The following AK8 variants were observed in gnomAD, a reference collection of about 807,000 sequenced individuals.
AK8 encodes adenylate kinase 8.
In AK8, 44 loss-of-function variants were observed where a neutral mutation model predicts 54.6. That is an observed-to-expected ratio of 0.81 (90% CI 0.63 to 1.04). The LOEUF is 1.04. Among genes scored for constraint, AK8 ranks in the 50% least tolerant of loss-of-function variants. The pLI, the probability that AK8 is intolerant of heterozygous loss-of-function variation, is 0.00. For missense variants in AK8, 555 were observed against 613.6 expected, an observed-to-expected ratio of 0.90 and a Z score of 1.01; for synonymous variants, 239 against 245.6, an observed-to-expected ratio of 0.97 and a Z score of 0.25.
At position 132,726,645 on chromosome 9, in the gene AK8, A is replaced by G. The variant is rs1033442875; in HGVS notation, c.1203-720T>C. On this transcript the variant is annotated intron_variant, in intron 12 of 12. Transcript: ENST00000298545. ...TGTTAAATCTGCCACTGACAGTGCC[A>G]TGGTAAGCAGGACAGGCGCTGGCTC... Among the ~76,000 whole-genome samples the G allele has an allele frequency of 8.5e-5, 13 of 152,172 alleles. 1 individual carries two copies. The highest frequency in any genetic ancestry group is 7.4e-5 in the Non-Finnish European group (5 of 68,026).
chr9:132,820,178 AGG>A (rs1301295967), intron 9 of AK8, among the ~76,000 whole-genome samples: 2 of 149,954 alleles, frequency 1.3e-5, no homozygotes, highest in African/African-American at 4.9e-5. Flanking sequence ...AAGGGAAGGA[AGG>A]AAGGAAGGAA....
In AK8 at chr9:132,725,855, C is replaced by A; in HGVS notation, c.1273G>T (p.Ala425Ser). ...ATTTTCAGCTTGACCTGCTCTTCAG[C>A]ATCCTTTGGGTTCTGCAGGAGGCGA... ...QARLLQNPKD[A>S]EEQVKLKMDL... The change falls in exon 13 of 13, where the codon GCT becomes TCT. Residue 425 changes from alanine to serine, a missense_variant. By Grantham distance (99) the Ala-to-Ser change is moderately conservative. Coordinates refer to ENST00000298545, the MANE Select transcript of AK8 (RefSeq NM_152572.3). 6.2e-7 allele frequency: 1 copy of A among 1,610,364 alleles called. No homozygotes were observed. Among genetic ancestry groups the A allele is most frequent in the Non-Finnish European group, 8.5e-7 (1 of 1,178,896 alleles).
At chr9:132,738,057 CT>C (rs34835031) in intron 11 of AK8, among the ~76,000 whole-genome samples, 116,723 of 144,318 alleles carry the variant, frequency 0.81, 47,044 homozygotes, top group Admixed American at 0.87. Flanking sequence ...TGCTGAATTA[CT>C]TTTTTTTTTT....
rs1840565529 is a variant in AK8, at chr9:132,803,530, G to A, written c.980-10755C>T. 6.6e-6 allele frequency among the ~76,000 whole-genome samples: 1 copy of A among 152,198 alleles called. No individual in the cohort carries two copies. Among genetic ancestry groups the A allele is most frequent in the African/African-American group, 2.4e-5 (1 of 41,454 alleles). ...TGATTACAACCAGTGACCATAGTAA[G>A]TAATTAGTGAATTACAGACACAATT... On this transcript the variant is annotated intron_variant, in intron 10 of 12. Transcript: ENST00000298545. The surrounding 1 kb of genome is among the most constrained non-coding windows in gnomAD (Gnocchi z 4.4).
intron 11 of AK8, among the ~76,000 whole-genome samples, chr9:132,751,898 T>C (rs1837943942): frequency 6.6e-6 from 1 of 151,806 alleles, no homozygotes; most frequent in African/African-American, 2.4e-5. Flanking sequence ...TGGAGTGCAG[T>C]GGCGCGATCT....
chr9:132,778,084 G>T (rs1055279615), intron 11 of AK8, among the ~76,000 whole-genome samples: 1 of 152,206 alleles, frequency 6.6e-6, no homozygotes, highest in Admixed American at 6.5e-5. Flanking sequence ...GGGGGCTTCC[G>T]TTAGGATGGG....
chr9:132,869,741 G>A (rs1378607678), intron 2 of AK8, among the ~76,000 whole-genome samples: 1 of 152,240 alleles, frequency 6.6e-6, no homozygotes, highest in African/African-American at 2.4e-5. Flanking sequence ...GTGGCATTGA[G>A]GACACATGGT....
chr9:132,814,716 G>T lies in AK8; in HGVS notation c.901C>A (p.Gln301Lys). ...KYRLVNVCCG[Q>K]LLKEAVADRT... is the part of the protein sequence containing the mutation. ...TCTGCCACAGCCTCTTTCAGCAGTT[G>T]CCCACAGCAGACTGAAGGAGAGGGG... Residue 301 changes from glutamine to lysine, a missense_variant, in exon 10 of 13, where the codon CAA becomes AAA. Gln to Lys is a moderately conservative substitution (Grantham distance 53, BLOSUM62 1). Transcript: ENST00000298545. 6.2e-7 allele frequency: 1 copy of T among 1,613,822 alleles called. No individual in the cohort carries two copies. The highest frequency in any genetic ancestry group is 8.5e-7 in the Non-Finnish European group (1 of 1,179,948).
rs1304242229 is a variant in AK8 at position 132,814,672 on chromosome 9, C to T, written c.945G>A (p.Glu315=). ...CCTTTTCAAAGAAGGGCTGGATGAG[C>T]TCGCCAAACGTGGTCCTATCTGCCA... ...EAVADRTTFG[E]LIQPFFEKEM... is the part of the protein sequence containing the mutation. Residue 315 remains glutamate (E), a synonymous_variant, in exon 10 of 13, where the codon GAG becomes GAA. Coordinates refer to ENST00000298545, the MANE Select transcript of AK8 (RefSeq NM_152572.3). 7 of 1,614,066 alleles carry T rather than the reference C, an allele frequency of 4.3e-6. No homozygotes were observed. The highest frequency in any genetic ancestry group is 1.7e-4 in the Middle Eastern group (1 of 6,052).
At chr9:132,843,807 A>G (rs938852682) in intron 5 of AK8, among the ~76,000 whole-genome samples, 5 of 152,188 alleles carry the variant, frequency 3.3e-5, no homozygotes, top group African/African-American at 1.2e-4. Flanking sequence ...AAGGAACAGG[A>G]GTGAGGGGGG....
intron 11 of AK8, among the ~76,000 whole-genome samples, chr9:132,734,126 G>C (rs1186887493): frequency 6.6e-6 from 1 of 152,204 alleles, no homozygotes; most frequent in Non-Finnish European, 1.5e-5. Flanking sequence ...GGGCCACTCT[G>C]ACCCGTGCTT....
intron 5 of AK8, among the ~76,000 whole-genome samples, chr9:132,851,969 G>A (rs564469984): frequency 2.7e-4 from 41 of 152,248 alleles, no homozygotes; most frequent in African/African-American, 8.9e-4. Flanking sequence ...TGGAATTAGC[G>A]GATGAAAACT....
intron 5 of AK8, among the ~76,000 whole-genome samples, chr9:132,850,144 C>A (rs1386226806): frequency 3.4e-5 from 5 of 147,358 alleles, no homozygotes; most frequent in Non-Finnish European, 5.9e-5. Flanking sequence ...ACTTCCACCT[C>A]CTGGGTTCAA....
At chr9:132,767,801 A>G (rs907426233) in intron 11 of AK8, among the ~76,000 whole-genome samples, 5 of 152,250 alleles carry the variant, frequency 3.3e-5, no homozygotes, top group African/African-American at 9.6e-5. Context: ...TCTGTCATTT[A>G]CAGTAACACA....
chr9:132,742,554 T>C (rs550282645), intron 11 of AK8, among the ~76,000 whole-genome samples: 4 of 152,268 alleles, frequency 2.6e-5, no homozygotes, highest in Non-Finnish European at 4.4e-5. Context: ...ATGACAGGGG[T>C]ACCAGCACCT....
At chr9:132,761,670 T>C (rs2064541330) in intron 11 of AK8, among the ~76,000 whole-genome samples, 1 of 152,200 alleles carries the variant, frequency 6.6e-6, no homozygotes, top group Admixed American at 6.5e-5. Context: ...ATATTTTTCC[T>C]ATCCTTGTAA....
At chr9:132,848,163 A>G (rs1319124821) in intron 5 of AK8, among the ~76,000 whole-genome samples, 1 of 151,580 alleles carries the variant, frequency 6.6e-6, no homozygotes, top group African/African-American at 2.4e-5. Flanking sequence ...GAAGAAAGGA[A>G]GACTCCCTTG....
At chr9:132,853,395 A>G (rs2131379749) in intron 5 of AK8, among the ~76,000 whole-genome samples, 1 of 151,934 alleles carries the variant, frequency 6.6e-6, no homozygotes, top group South Asian at 2.1e-4. Flanking sequence ...AAAAAAGAAA[A>G]CTAAAAACAA....
Position 132,752,299 on chromosome 9 carries a change from G to A in AK8, c.1122-24765C>T, listed in dbSNP as rs1590196340. Among the ~76,000 whole-genome samples, 4 of 149,984 alleles carry A rather than the reference G, an allele frequency of 2.7e-5. No individual in the cohort carries two copies. In the East Asian group the frequency reaches 7.9e-4, roughly 29 times the overall value. On this transcript the variant is annotated intron_variant, in intron 11 of 12. Transcript: ENST00000298545. ...CGGAGTCTCGCTGTCGCCCAGGCTG[G>A]AGTGCAGTGGCGTGATCTCTGCTCA... is the stretch of plus-strand genomic sequence containing the variant.
Sources: gnomAD v4.1 joint callset for allele counts (sites outside exome capture counted in the v4.1 genomes callset) on GRCh38, gnomAD v4.1.1 for gene constraint, Gnocchi (gnomAD v3.1) non-coding constraint, MANE v1.5 for transcripts, NCBI Gene and HGNC (gene_info 2026-07-23, HGNC 2026-07-21) for gene names.